MPHOSPH9: variants seen among roughly 807,000 people sequenced by gnomAD.
MPHOSPH9 encodes M-phase phosphoprotein 9.
Under a neutral mutation model 145.5 loss-of-function variants are expected in MPHOSPH9, and 88 were observed. That is an observed-to-expected ratio of 0.60 (90% CI 0.51 to 0.72). The LOEUF (loss-of-function observed/expected upper bound fraction) is 0.72, where lower values mean the gene tolerates loss of function less well. Among genes scored for constraint, MPHOSPH9 ranks in the 30% least tolerant of loss-of-function variants. MPHOSPH9 has a pLI of 0.00. For synonymous variants in MPHOSPH9, 435 were observed against 486.2 expected (o/e 0.89, Z 1.39); for missense variants, 1,238 against 1,386.6 (o/e 0.89, Z 1.70).
chr12:123,156,816 T>C lies in MPHOSPH9; in HGVS notation c.3543A>G (p.Ala1181=). ...TTAATGGCTACAAATCTCAAAGATT[T>C]GCAGAGGTGCGCAAAACATGGAATT... ...LKKFHVLRTS[A]NL The change falls in exon 24 of 24, where the codon GCA becomes GCG. Residue 1181 remains alanine, a synonymous_variant. Transcript: ENST00000606320. 1.9e-6 allele frequency: 3 copies of C among 1,611,318 alleles called. No homozygotes were observed. Among genetic ancestry groups the C allele is most frequent in the Non-Finnish European group, 2.5e-6 (3 of 1,177,988 alleles).
chr12:123,198,705 G>T (rs1435353704), intron 11 of MPHOSPH9, among the ~76,000 whole-genome samples: 2 of 151,174 alleles, frequency 1.3e-5, no homozygotes, highest in Admixed American at 6.6e-5. Context: ...AGCTACTCAG[G>T]AGGCTGAGGT....
At chr12:123,179,735 A>AG (rs397766430) in intron 15 of MPHOSPH9, among the ~76,000 whole-genome samples, 191 bp downstream of exon 15, 1 of 114,772 alleles carries the variant, frequency 8.7e-6, no homozygotes, top group Non-Finnish European at 2.1e-5. Context: ...AAAAAAAAAA[A>AG]GAGAGAGAGA....
intron 7 of MPHOSPH9, among the ~76,000 whole-genome samples, 184 bp from the exon 8 acceptor site, chr12:123,210,346 C>G (rs950949716): frequency 2.0e-5 from 3 of 152,064 alleles, no homozygotes; most frequent in African/African-American, 7.2e-5. Flanking sequence ...TAACTGGATG[C>G]AAATGTTTAA....
chr12:123,197,301 T>C (rs1165934306), intron 12 of MPHOSPH9, among the ~76,000 whole-genome samples: 1 of 151,580 alleles, frequency 6.6e-6, no homozygotes, highest in Non-Finnish European at 1.5e-5. Flanking sequence ...CCTGCCTCAG[T>C]CTCCCGAGTA....
At chr12:123,199,166 T>C (rs971869734) in intron 11 of MPHOSPH9, among the ~76,000 whole-genome samples, 2 of 152,098 alleles carry the variant, frequency 1.3e-5, no homozygotes, top group South Asian at 4.1e-4. Flanking sequence ...ATTTGATTTT[T>C]TGTAGAGATG....
At chr12:123,206,027 A>G (rs1216246817) in intron 8 of MPHOSPH9, among the ~76,000 whole-genome samples, 3 of 152,134 alleles carry the variant, frequency 2.0e-5, no homozygotes, top group Non-Finnish European at 4.4e-5. Flanking sequence ...CTAGTCCTAC[A>G]TGCTACTAAG....
At chr12:123,238,028 C>T (rs375776032), upstream of MPHOSPH9, among the ~76,000 whole-genome samples, 60 of 151,984 alleles carry the variant, frequency 3.9e-4, no homozygotes, top group East Asian at 7.8e-3. Context: ...CCCGAGTAGC[C>T]GGGACTACAG....
At chr12:123,180,313 G>C (rs542962734) in intron 14 of MPHOSPH9, among the ~76,000 whole-genome samples, 1 of 152,168 alleles carries the variant, frequency 6.6e-6, no homozygotes, top group African/African-American at 2.4e-5. Flanking sequence ...TTTTCAATGA[G>C]ATTTAGATAT....
chr12:123,236,664 G>A (rs982116122), upstream of MPHOSPH9, among the ~76,000 whole-genome samples: 4 of 152,000 alleles, frequency 2.6e-5, no homozygotes, highest in African/African-American at 7.2e-5. Flanking sequence ...ACAAGGCATC[G>A]TTAATAGAAA....
chr12:123,167,124 G>A (rs977175572), intron 16 of MPHOSPH9, among the ~76,000 whole-genome samples: 2 of 152,156 alleles, frequency 1.3e-5, no homozygotes, highest in Admixed American at 1.3e-4. Context: ...AAGCAGGGCT[G>A]CCCTTCTTGT....
chr12:123,188,648 G>T (rs1260855986), intron 13 of MPHOSPH9, among the ~76,000 whole-genome samples: 1 of 152,134 alleles, frequency 6.6e-6, no homozygotes, highest in African/African-American at 2.4e-5. Context: ...AGGAGATCGA[G>T]ACCACCCTGG....
chr12:123,228,357 C>T (rs1361553406), intron 2 of MPHOSPH9, among the ~76,000 whole-genome samples: 1 of 152,050 alleles, frequency 6.6e-6, no homozygotes, highest in Non-Finnish European at 1.5e-5. Context: ...ATAAAAATAA[C>T]AATAAAATAA....
At chr12:123,202,582 G>A (rs757803824) in intron 10 of MPHOSPH9, 42 bp downstream of exon 10, 3 of 1,530,268 alleles carry the variant, frequency 2.0e-6, no homozygotes, top group Non-Finnish European at 2.7e-6. Flanking sequence ...AGATATCACA[G>A]AAAATCTATT....
In MPHOSPH9 at chr12:123,207,650, T is replaced by TC. The variant is rs750473726; in HGVS notation, c.1194+2405dup. Among the ~76,000 whole-genome samples the TC allele has an allele frequency of 2.7e-4, 41 of 152,128 alleles. 1 individual carries two copies. Among genetic ancestry groups the TC allele is most frequent in the South Asian group, 2.1e-4 (1 of 4,814 alleles). On this transcript the variant is annotated intron_variant, in intron 8 of 23. Transcript: ENST00000606320. ...GGGCGGATCACCTGAGGTCAGGAGT[T>TC]CGAGAGCAGCCTGGCCAACATGGTG...
chr12:123,166,432 C>T (rs2044321762), intron 17 of MPHOSPH9: 1 of 564,620 alleles, frequency 1.8e-6, no homozygotes, highest in Admixed American at 3.2e-5. Flanking sequence ...ATCCTAATCA[C>T]AAACCCATAC....
intron 1 of MPHOSPH9, among the ~76,000 whole-genome samples, chr12:123,231,238 CT>C (rs1258731104): frequency 6.6e-6 from 1 of 152,134 alleles, no homozygotes; most frequent in Non-Finnish European, 1.5e-5. Context: ...TCCCGAGCAG[CT>C]GGGATTATAG....
intron 1 of MPHOSPH9, among the ~76,000 whole-genome samples, chr12:123,232,747 C>A (rs975286649): frequency 5.3e-5 from 8 of 152,110 alleles, no homozygotes; most frequent in Non-Finnish European, 1.2e-4. Flanking sequence ...CAACTACAAC[C>A]GCGATTCCAA....
downstream of MPHOSPH9, chr12:123,152,501 C>T (rs2043794934): frequency 2.2e-6 from 1 of 450,138 alleles, no homozygotes; most frequent in Non-Finnish European, 4.5e-6. Flanking sequence ...CATTATCGGT[C>T]ACTGTTACAG....
chr12:123,156,843 C>T lies in MPHOSPH9; in HGVS notation c.3516G>A (p.Lys1172=). Residue 1172 remains lysine (K), a synonymous_variant, in exon 24 of 24, where the codon AAG becomes AAA. Coordinates refer to ENST00000606320, the MANE Select transcript of MPHOSPH9 (RefSeq NM_022782.4). ...CAGAGGTGCGCAAAACATGGAATTT[C>T]TTTAGCGTCATGCGAACTGAACCCA... ...RELGSVRMTL[K]KFHVLRTSAN... is the part of the protein sequence containing the mutation. 1.2e-6 allele frequency: 2 copies of T among 1,612,536 alleles called. No homozygotes were observed. Among genetic ancestry groups the T allele is most frequent in the South Asian group, 2.2e-5 (2 of 90,984 alleles).
Sources: gnomAD v4.1 joint callset for allele counts (sites outside exome capture counted in the v4.1 genomes callset) on GRCh38, gnomAD v4.1.1 for gene constraint, MANE v1.5 for transcripts, NCBI Gene and HGNC (gene_info 2026-07-23, HGNC 2026-07-21) for gene names.